The following CCDC85C variants were observed in gnomAD, a reference collection of about 807,000 sequenced individuals.
CCDC85C encodes the protein coiled-coil domain containing 85C, also known as coiled-coil domain-containing protein 85C.
A neutral mutation model predicts 38.3 loss-of-function variants in CCDC85C; 18 were observed. That is an observed-to-expected ratio of 0.47 (90% CI 0.33 to 0.70). The LOEUF (loss-of-function observed/expected upper bound fraction) is 0.70. Among genes scored for constraint, CCDC85C ranks in the 30% least tolerant of loss-of-function variants. The probability of loss-of-function intolerance (pLI) is 0.03; values close to 1 mark genes in which losing one functional copy is unlikely to be tolerated. For synonymous variants in CCDC85C, 264 were observed against 293.8 expected (o/e 0.90, Z 1.04); for missense variants, 566 against 621.2 (o/e 0.91, Z 0.94).
rs1898299894 is a variant in CCDC85C at position 99,569,861 on chromosome 14, C to A, written c.793+33306G>T. On this transcript the variant is annotated intron_variant, in intron 1 of 5. Coordinates refer to ENST00000380243, the MANE Select transcript of CCDC85C (RefSeq NM_001144995.2). This position sits in a 1 kb window ranked among gnomAD's most constrained non-coding sequence, Gnocchi z 4.3. ...CTGTTGTAATCCCAACTTTGGGAAG[C>A]TGAGGCGGGAGGATAGCATGAGCCC... Among the ~76,000 whole-genome samples, 1 of 152,036 alleles carries A rather than the reference C, an allele frequency of 6.6e-6. No individual in the cohort carries two copies. Among genetic ancestry groups the A allele is most frequent in the Non-Finnish European group, 1.5e-5 (1 of 68,000 alleles).
chr14:99,593,825 C>T (rs2055115278), intron 1 of CCDC85C, among the ~76,000 whole-genome samples: 1 of 152,232 alleles, frequency 6.6e-6, no homozygotes, highest in Non-Finnish European at 1.5e-5. Context: ...GACACCAGGA[C>T]CAACTGCACC....
intron 2 of CCDC85C, among the ~76,000 whole-genome samples, chr14:99,530,007 C>T (rs939154519): frequency 6.6e-5 from 10 of 152,318 alleles, no homozygotes; most frequent in Non-Finnish European, 8.8e-5. Flanking sequence ...AGAGGTTAAG[C>T]GACCTGTTCA....
intron 1 of CCDC85C, among the ~76,000 whole-genome samples, chr14:99,602,378 A>T (rs1405626192): frequency 6.6e-6 from 1 of 152,222 alleles, no homozygotes; most frequent in African/African-American, 2.4e-5. Flanking sequence ...GTCACGGATG[A>T]CCACGGCACT....
At chr14:99,581,569 C>T (rs2054969339) in intron 1 of CCDC85C, among the ~76,000 whole-genome samples, 1 of 152,246 alleles carries the variant, frequency 6.6e-6, no homozygotes, top group Non-Finnish European at 1.5e-5. Context: ...ACCCCTGCCT[C>T]GGCCACCGCA....
At position 99,505,616 on chromosome 14, in the gene CCDC85C, C is replaced by A. The variant is rs1478074463; in HGVS notation, c.*9630G>T. On this transcript the variant is annotated 3_prime_UTR_variant, in exon 6 of 6. Coordinates refer to ENST00000380243, the MANE Select transcript of CCDC85C (RefSeq NM_001144995.2). ...TCCTGGCACACTTGTAATCCCAGCA[C>A]TTTGGGAGGCCAAGGCATGCTTTGA... is the stretch of plus-strand genomic sequence containing the variant. 1 of 152,182 alleles carries A rather than the reference C, an allele frequency of 6.6e-6. No individual in the cohort carries two copies. Among genetic ancestry groups the A allele is most frequent in the Non-Finnish European group, 1.5e-5 (1 of 68,064 alleles). 9.4% of individuals were successfully genotyped at this position (152,182 alleles called of 1,614,324 possible).
intron 1 of CCDC85C, among the ~76,000 whole-genome samples, chr14:99,580,734 G>A (rs987279649): frequency 1.2e-4 from 18 of 151,994 alleles, no homozygotes; most frequent in Non-Finnish European, 2.4e-4. Flanking sequence ...GCATGGTGGC[G>A]GGCACCTATA....
intron 1 of CCDC85C, among the ~76,000 whole-genome samples, chr14:99,593,567 G>A (rs774417023): frequency 6.6e-6 from 1 of 152,214 alleles, no homozygotes; most frequent in Non-Finnish European, 1.5e-5. Context: ...CCACAGCCTC[G>A]CCAAAGCCAT....
intron 2 of CCDC85C, among the ~76,000 whole-genome samples, chr14:99,532,966 G>C (rs1308567108): frequency 1.3e-5 from 2 of 152,008 alleles, no homozygotes; most frequent in East Asian, 3.9e-4. Context: ...ATTTTTAGTA[G>C]AGACGAGGTT....
intron 2 of CCDC85C, among the ~76,000 whole-genome samples, chr14:99,523,768 C>CA (rs1897334048): frequency 6.6e-6 from 1 of 152,140 alleles, no homozygotes; most frequent in African/African-American, 2.4e-5. Flanking sequence ...CCCTGGCGAG[C>CA]ATCACAAAGG....
At chr14:99,596,705 G>A (rs554716092) in intron 1 of CCDC85C, among the ~76,000 whole-genome samples, 1 of 152,348 alleles carries the variant, frequency 6.6e-6, no homozygotes, top group East Asian at 1.9e-4. Context: ...CCCTTTAGCA[G>A]ACAAGTTTGT....
intron 1 of CCDC85C, among the ~76,000 whole-genome samples, chr14:99,552,972 G>A (rs1188488212): frequency 1.3e-5 from 2 of 152,174 alleles, no homozygotes; most frequent in Non-Finnish European, 2.9e-5. Context: ...CAGGCCACCA[G>A]GGATGGCCTG....
At position 99,501,945 on chromosome 14, in the gene CCDC85C, C is replaced by G; in HGVS notation, c.*13301G>C. The G allele has an allele frequency of 3.1e-6, 1 of 320,144 alleles. No homozygotes were observed. The allele number at this position is 320,144 out of a possible 1,614,324, so 19.8% of individuals were successfully genotyped here. On this transcript the variant is annotated 3_prime_UTR_variant, in exon 6 of 6. Coordinates refer to ENST00000380243, the MANE Select transcript of CCDC85C (RefSeq NM_001144995.2). ...TTTCAACAGTTTAAATAACATAAGTCATTTTCATTGGTGTAGCAATTTTTG... is the reference window on the plus strand; with the variant it reads ...TTTCAACAGTTTAAATAACATAAGTGATTTTCATTGGTGTAGCAATTTTTG...
At chr14:99,579,108 G>C (rs530208092) in intron 1 of CCDC85C, among the ~76,000 whole-genome samples, 5 of 152,344 alleles carry the variant, frequency 3.3e-5, no homozygotes, top group Middle Eastern at 3.4e-3. Context: ...ATGGAGGCCT[G>C]TCTGACCCAG....
At chr14:99,555,396 G>A (rs1173969976) in intron 1 of CCDC85C, among the ~76,000 whole-genome samples, 2 of 152,202 alleles carry the variant, frequency 1.3e-5, no homozygotes, top group East Asian at 1.9e-4. Context: ...TGGCATGGCC[G>A]GGGTGACAAC....
intron 1 of CCDC85C, among the ~76,000 whole-genome samples, chr14:99,589,587 TCC>T (rs2055064141): frequency 6.6e-6 from 1 of 152,208 alleles, no homozygotes; most frequent in African/African-American, 2.4e-5. Flanking sequence ...AGAGCTGCGG[TCC>T]CTATTCCAGG....
intron 1 of CCDC85C, among the ~76,000 whole-genome samples, chr14:99,595,431 G>C (rs1362458102): frequency 2.0e-5 from 3 of 152,168 alleles, no homozygotes; most frequent in Non-Finnish European, 4.4e-5. Context: ...ATTTTTAGTA[G>C]AGATGGGGTT....
At chr14:99,523,060 T>C (rs1466842497) in intron 2 of CCDC85C, 1 of 152,180 alleles carries the variant, frequency 6.6e-6, no homozygotes, top group African/African-American at 2.4e-5. Context: ...TTTGGGTGTT[T>C]CTGGCCGAAA....
intron 1 of CCDC85C, among the ~76,000 whole-genome samples, chr14:99,586,913 G>A (rs1438637176): frequency 1.3e-5 from 2 of 152,218 alleles, no homozygotes; most frequent in African/African-American, 4.8e-5. Flanking sequence ...CCACAGCCAA[G>A]CCCGCAGCCA....
Position 99,510,301 on chromosome 14 carries a change from C to T in CCDC85C, c.*4945G>A, listed in dbSNP as rs1376841644. ...CCACCGCCGCTGCCACACCGGCCCC[C>T]GCCCCCACCCCCCTCCAGCTACATG... On this transcript the variant is annotated 3_prime_UTR_variant, in exon 6 of 6. Coordinates refer to ENST00000380243, the MANE Select transcript of CCDC85C (RefSeq NM_001144995.2). 5.8e-6 allele frequency: 9 copies of T among 1,553,042 alleles called. No homozygotes were observed. The highest frequency in any genetic ancestry group is 1.1e-5 in the South Asian group (1 of 87,466).
Sources: allele counts gnomAD v4.1 joint callset (sites outside exome capture counted in the v4.1 genomes callset), GRCh38; gene constraint gnomAD v4.1.1; non-coding constraint Gnocchi (gnomAD v3.1); transcripts MANE v1.5; gene names NCBI Gene and HGNC (gene_info 2026-07-23, HGNC 2026-07-21).